Variants in WNT10A observed in about 807,000 individuals in gnomAD.
WNT10A encodes Wnt family member 10A.
In WNT10A, 37 loss-of-function variants were observed where a neutral mutation model predicts 36.1. The observed-to-expected ratio is 1.02, with a 90% CI of 0.79 to 1.35. The LOEUF (loss-of-function observed/expected upper bound fraction) is 1.35, where lower values mean the gene tolerates loss of function less well. Among genes scored for constraint, WNT10A ranks in the 40% most tolerant of loss-of-function variants. The pLI, the probability that WNT10A is intolerant of heterozygous loss-of-function variation, is 0.00. For synonymous variants in WNT10A, 255 were observed against 254.1 expected, an observed-to-expected ratio of 1.00 and a Z score of -0.03; for missense variants, 613 against 601.4, an observed-to-expected ratio of 1.02 and a Z score of -0.20.
chr2:218,886,621 G>A (rs1248182266), intron 2 of WNT10A, among the ~76,000 whole-genome samples: 6 of 146,698 alleles, frequency 4.1e-5, no homozygotes, highest in South Asian at 2.2e-4. Context: ...TTAACGAGCC[G>A]CCCCCCACCC....
intron 2 of WNT10A, among the ~76,000 whole-genome samples, chr2:218,886,950 G>A (rs112319478): frequency 5.3e-5 from 8 of 152,282 alleles, no homozygotes; most frequent in East Asian, 3.9e-4. Context: ...GTTCTCTGCC[G>A]CGGTGGGGTA....
intron 2 of WNT10A, 60 bp from the exon 3 acceptor site, chr2:218,889,924 C>T: frequency 6.2e-7 from 1 of 1,608,980 alleles, no homozygotes; most frequent in Non-Finnish European, 8.5e-7. Context: ...GAAAGGTGGG[C>T]TGGAGAATGG....
At chr2:218,886,913 G>T (rs1448979597) in intron 2 of WNT10A, among the ~76,000 whole-genome samples, 2 of 152,252 alleles carry the variant, frequency 1.3e-5, no homozygotes, top group Non-Finnish European at 2.9e-5. Flanking sequence ...TGTAGGGAAG[G>T]TGTCTTTAGC....
upstream of WNT10A, chr2:218,880,685 G>A (rs1398457426): frequency 1.6e-5 from 5 of 304,064 alleles, no homozygotes; most frequent in South Asian, 5.5e-5. The surrounding 1 kb of genome is among the most constrained non-coding windows in gnomAD (Gnocchi z 7.7). Context: ...CTGCACCTCC[G>A]GGCCCCCCTT....
intron 2 of WNT10A, among the ~76,000 whole-genome samples, chr2:218,887,154 A>G (rs974020575): frequency 2.6e-5 from 4 of 152,306 alleles, no homozygotes; most frequent in Admixed American, 6.5e-5. Context: ...CACATGTCCT[A>G]CAATAGAAAG....
intron 1 of WNT10A, among the ~76,000 whole-genome samples, chr2:218,881,690 G>A (rs1188828758): frequency 1.3e-5 from 2 of 152,166 alleles, no homozygotes; most frequent in South Asian, 2.1e-4. Flanking sequence ...ATGTGTAAAT[G>A]GGAGTGTCTT....
upstream of WNT10A, among the ~76,000 whole-genome samples, chr2:218,877,035 G>A (rs1019210834): frequency 6.6e-6 from 1 of 152,208 alleles, no homozygotes; most frequent in Non-Finnish European, 1.5e-5. This position sits in a 1 kb window ranked among gnomAD's most constrained non-coding sequence, Gnocchi z 4.1. Flanking sequence ...GGGTCCTGCA[G>A]GGGGTGAGAT....
At chr2:218,882,088 G>A in intron 1 of WNT10A, 73 bp from the exon 2 acceptor site, 2 of 1,561,210 alleles carry the variant, frequency 1.3e-6, no homozygotes, top group South Asian at 2.4e-5. Context: ...CGTTGGGACA[G>A]AGTGTGTGTT....
rs1278921157 is a variant in WNT10A at position 218,892,951 on chromosome 2, C to A, written c.934C>A (p.Pro312Thr). 1 of 1,450,582 alleles carries A rather than the reference C, an allele frequency of 6.9e-7. No individual in the cohort carries two copies. Among genetic ancestry groups the A allele is most frequent in the Non-Finnish European group, 9.0e-7 (1 of 1,106,746 alleles). The allele number at this position is 1,450,582 out of a possible 1,614,324, so 89.9% of individuals were successfully genotyped here. A position where few individuals can be genotyped will look rare whatever the true frequency, so the allele number is the denominator to read the frequency against. ...PHNRNGGQLE[P>T]GPAGAPSPAP... ...CAACCGCAACGGCGGCCAGCTGGAG[C>A]CGGGCCCAGCGGGGGCACCCTCGCC... The change falls in exon 4 of 4, where the codon CCG (proline) becomes ACG (threonine). Residue 312 changes from proline to threonine, a missense_variant. By Grantham distance (38) the Pro-to-Thr change is conservative. Transcript: ENST00000258411.
At chr2:218,879,073 C>T (rs922260410), upstream of WNT10A, among the ~76,000 whole-genome samples, 3 of 151,672 alleles carry the variant, frequency 2.0e-5, no homozygotes, top group South Asian at 6.3e-4. Context: ...CTGCTCCCCC[C>T]CCACTGCCCC....
intron 2 of WNT10A, among the ~76,000 whole-genome samples, chr2:218,887,736 T>C (rs1944595865): frequency 6.6e-6 from 1 of 152,144 alleles, no homozygotes; most frequent in Non-Finnish European, 1.5e-5. Context: ...GCCCAAAAAA[T>C]GCAGCAGGAG....
upstream of WNT10A, among the ~76,000 whole-genome samples, chr2:218,878,666 C>T (rs1346251808): frequency 6.6e-6 from 1 of 152,068 alleles, no homozygotes; most frequent in Admixed American, 6.5e-5. This position sits in a 1 kb window ranked among gnomAD's most constrained non-coding sequence, Gnocchi z 4.1. Flanking sequence ...CACAATGGCC[C>T]ACCCCAGGGG....
intron 2 of WNT10A, chr2:218,883,766 C>G (rs1312118173): frequency 1.3e-5 from 2 of 151,762 alleles, no homozygotes; most frequent in Non-Finnish European, 2.9e-5. Context: ...CCGGGCCCCT[C>G]CAGCCGTCCA....
At chr2:218,882,091 T>C (rs1305665126) in intron 1 of WNT10A, 70 bp from the exon 2 acceptor site, 30 of 1,562,886 alleles carry the variant, frequency 1.9e-5, no homozygotes, top group Non-Finnish European at 2.6e-5. Context: ...TGGGACAGAG[T>C]GTGTGTTGTT....
At chr2:218,874,122 T>C in the WNT10A span, 1 of 430,688 alleles carries the variant, frequency 2.3e-6, no homozygotes. Flanking sequence ...GGAAACAGTT[T>C]TTTAGACTGG....
chr2:218,879,329 C>T (rs1944483235), upstream of WNT10A, among the ~76,000 whole-genome samples: 1 of 152,208 alleles, frequency 6.6e-6, no homozygotes, highest in Non-Finnish European at 1.5e-5. Context: ...TGTTCCTAAG[C>T]CAGCAGGGGC....
chr2:218,888,544 T>C (rs1299959210), intron 2 of WNT10A, among the ~76,000 whole-genome samples: 2 of 152,208 alleles, frequency 1.3e-5, no homozygotes, highest in Non-Finnish European at 2.9e-5. Context: ...CCAGACCCCA[T>C]GCAGGACCCT....
chr2:218,877,395 T>C (rs187588289), upstream of WNT10A, among the ~76,000 whole-genome samples: 123 of 152,276 alleles, frequency 8.1e-4, no homozygotes, highest in African/African-American at 2.8e-3. The surrounding 1 kb of genome is among the most constrained non-coding windows in gnomAD (Gnocchi z 4.1). Context: ...GAAGGCACCA[T>C]TGGGACTTCT....
chr2:218,893,162 A>G lies in WNT10A; in HGVS notation c.1145A>G (p.Asn382Ser), dbSNP rs1432508266. 2.5e-6 allele frequency: 4 copies of G among 1,588,964 alleles called. No homozygotes were observed. The highest frequency in any genetic ancestry group is 3.4e-6 in the Non-Finnish European group (4 of 1,174,940). ...AGCATGTGCTGCGGCCGCGGCCACAACATCCTGCGCCAGACGCGCAGCGAG... is the reference window on the plus strand; with the variant it reads ...AGCATGTGCTGCGGCCGCGGCCACAGCATCCTGCGCCAGACGCGCAGCGAG... ...CGSMCCGRGHNILRQTRSERC... is the reference protein window; with the variant it reads ...CGSMCCGRGHSILRQTRSERC... Residue 382 changes from asparagine (N) to serine (S), a missense_variant, in exon 4 of 4, where the codon AAC (asparagine) becomes AGC (serine). Asn to Ser is a conservative substitution (Grantham distance 46). Coordinates refer to ENST00000258411, the MANE Select transcript of WNT10A (RefSeq NM_025216.3). The surrounding 1 kb of genome is among the most constrained non-coding windows in gnomAD (Gnocchi z 6.3).
Sources: allele counts gnomAD v4.1 joint callset (sites outside exome capture counted in the v4.1 genomes callset), GRCh38; gene constraint gnomAD v4.1.1; non-coding constraint Gnocchi (gnomAD v3.1); transcripts MANE v1.5; gene names NCBI Gene and HGNC (gene_info 2026-07-23, HGNC 2026-07-21).